PCDHA3: variants seen among roughly 807,000 people sequenced by gnomAD.
PCDHA3 encodes the protein protocadherin alpha-3.
In PCDHA3, 41 loss-of-function variants were observed where a neutral mutation model predicts 62.2. That is an observed-to-expected ratio of 0.66 (90% confidence interval 0.51 to 0.86). The LOEUF (loss-of-function observed/expected upper bound fraction) is 0.86. Ranked by LOEUF, PCDHA3 falls within the 40% of genes least tolerant of loss-of-function variation. The pLI is 0.00. For missense variants in PCDHA3, 1,304 were observed against 1,241.2 expected (o/e 1.05, Z -0.76); for synonymous variants, 640 against 555.4 (o/e 1.15, Z -2.14).
intron 1 of PCDHA3, among the ~76,000 whole-genome samples, chr5:140,897,340 C>A (rs1326802877): frequency 8.1e-6 from 1 of 122,842 alleles, no homozygotes; most frequent in African/African-American, 3.1e-5. Context: ...CCCCTCCCCC[C>A]ACCCCACAAC....
chr5:140,830,320 CG>C, intron 1 of PCDHA3: 1 of 1,613,990 alleles, frequency 6.2e-7, no homozygotes, highest in Non-Finnish European at 8.5e-7. Flanking sequence ...TGTGCTCCAG[CG>C]CAGTGGGGAG....
chr5:140,918,445 A>G (rs2078702084), intron 1 of PCDHA3, among the ~76,000 whole-genome samples: 1 of 152,144 alleles, frequency 6.6e-6, no homozygotes, highest in African/African-American at 2.4e-5. Context: ...GAGTGGTGAC[A>G]GTGGGCATCC....
intron 1 of PCDHA3, among the ~76,000 whole-genome samples, chr5:140,838,285 T>A (rs1262712034): frequency 2.0e-5 from 3 of 149,460 alleles, no homozygotes; most frequent in Admixed American, 6.6e-5. Flanking sequence ...TGCTAATTTT[T>A]TTTTTTTTTT....
At chr5:140,808,699 G>A in intron 1 of PCDHA3, 2 of 1,612,210 alleles carry the variant, frequency 1.2e-6, no homozygotes, top group Non-Finnish European at 8.5e-7. Context: ...AGCGCGCGCT[G>A]TCGAGCTACG....
chr5:140,938,761 G>A (rs1414324125), intron 1 of PCDHA3, among the ~76,000 whole-genome samples: 5 of 151,992 alleles, frequency 3.3e-5, no homozygotes, highest in Non-Finnish European at 7.4e-5. Flanking sequence ...CATAGTTATT[G>A]GGTACTAGAC....
intron 1 of PCDHA3, among the ~76,000 whole-genome samples, chr5:140,960,408 A>C (rs1006586468): frequency 6.6e-6 from 1 of 152,206 alleles, no homozygotes; most frequent in Admixed American, 6.5e-5. Flanking sequence ...GGGGGTGCCC[A>C]AAAAGTCAAC....
chr5:140,845,922 T>C (rs2150382652), intron 1 of PCDHA3, among the ~76,000 whole-genome samples: 7 of 149,894 alleles, frequency 4.7e-5, no homozygotes, highest in African/African-American at 7.3e-5. Flanking sequence ...CTTATTTTTG[T>C]GTAAAACTAT....
chr5:140,864,892 A>G (rs1240811455), intron 1 of PCDHA3: 4 of 152,184 alleles, frequency 2.6e-5, no homozygotes, highest in African/African-American at 4.8e-5. Flanking sequence ...ATTAAGCTGC[A>G]TGGTCTTCAG....
In PCDHA3 at chr5:140,929,213, A is replaced by T. The variant is rs199608631; in HGVS notation, c.2395-49736A>T. On this transcript the variant is annotated intron_variant, in intron 1 of 3. Coordinates refer to ENST00000522353, the MANE Select transcript of PCDHA3 (RefSeq NM_018906.3). ...AATAACAGTTTGCTGTTGCGTGGGG[A>T]GTACAATGCTGCCGACCTGCGAAAT... 3 of 1,614,052 alleles carry T rather than the reference A, an allele frequency of 1.9e-6. No homozygotes were observed. The East Asian group carries it at 6.7e-5, about 36-fold the overall frequency.
intron 1 of PCDHA3, among the ~76,000 whole-genome samples, chr5:140,896,506 A>G (rs1231827987): frequency 2.7e-5 from 4 of 150,856 alleles, no homozygotes; most frequent in African/African-American, 9.7e-5. Flanking sequence ...GGGACTGTGC[A>G]GGCACACACC....
intron 1 of PCDHA3, chr5:140,969,506 G>A (rs1262259666): frequency 2.9e-5 from 41 of 1,426,940 alleles, no homozygotes; most frequent in Non-Finnish European, 3.6e-5. Context: ...TAGAAAAATA[G>A]CACTAAAGAA....
intron 1 of PCDHA3, chr5:140,835,486 T>C: frequency 6.2e-7 from 1 of 1,613,894 alleles, no homozygotes. Flanking sequence ...CCAGGTACCG[T>C]CATCACATTG....
At chr5:140,934,690 T>G (rs1263392505) in intron 1 of PCDHA3, among the ~76,000 whole-genome samples, 1 of 152,198 alleles carries the variant, frequency 6.6e-6, no homozygotes, top group Non-Finnish European at 1.5e-5. Flanking sequence ...AAACAATGAA[T>G]TGATTCCTGG....
At chr5:140,843,592 G>C in intron 1 of PCDHA3, 1 of 1,596,002 alleles carries the variant, frequency 6.3e-7, no homozygotes, top group African/African-American at 1.3e-5. Context: ...AGCCGCAGAG[G>C]GTGTGCTCTG....
At chr5:140,904,303 G>A (rs1176685220) in intron 1 of PCDHA3, among the ~76,000 whole-genome samples, 3 of 151,902 alleles carry the variant, frequency 2.0e-5, no homozygotes, top group African/African-American at 7.3e-5. Flanking sequence ...CCATTCCTGA[G>A]TTTCTTCACT....
rs782171071 is a variant in PCDHA3 at position 140,802,999 on chromosome 5, C to T, written c.1802C>T (p.Ser601Leu). Residue 601 changes from serine (S) to leucine (L), a missense_variant, in exon 1 of 4, where the codon TCA becomes TTA. Transcript: ENST00000522353. ...AAGGTGCGCGCAGTGGATGCAGACT[C>T]AGGCTACAACGCGTGGCTTTCGTAT... ...VAKVRAVDAD[S>L]GYNAWLSYEL... 1.2e-6 allele frequency: 2 copies of T among 1,613,930 alleles called. No homozygotes were observed. Among genetic ancestry groups the T allele is most frequent in the Non-Finnish European group, 8.5e-7 (1 of 1,179,942 alleles).
chr5:140,845,510 C>A (rs1779902484), intron 1 of PCDHA3, among the ~76,000 whole-genome samples: 3 of 149,534 alleles, frequency 2.0e-5, no homozygotes, highest in African/African-American at 7.3e-5. Context: ...AAACCTATTT[C>A]TTGTACATTA....
At position 140,857,211 on chromosome 5, in the gene PCDHA3, T is replaced by C; in HGVS notation, c.2394+53620T>C. 5 of 1,598,632 alleles carry C rather than the reference T, an allele frequency of 3.1e-6. 1 individual carries two copies. Among genetic ancestry groups the C allele is most frequent in the Non-Finnish European group, 4.3e-6 (5 of 1,167,976 alleles). On this transcript the variant is annotated intron_variant, in intron 1 of 3. Coordinates refer to ENST00000522353, the MANE Select transcript of PCDHA3 (RefSeq NM_018906.3). ...GCCAACGGACAGGTCACCTGCTCTCTGACGCCTCACGTTCCGTTCAAGCTG... is the reference window on the plus strand; with the variant it reads ...GCCAACGGACAGGTCACCTGCTCTCCGACGCCTCACGTTCCGTTCAAGCTG...
In PCDHA3 at chr5:140,852,152, C is replaced by T. The variant is rs1163475400; in HGVS notation, c.2394+48561C>T. The T allele has an allele frequency of 5.8e-6, 5 of 861,034 alleles. 1 individual carries two copies. The highest frequency in any genetic ancestry group is 1.2e-3 in the Middle Eastern group (2 of 1,666). The allele number at this position is 861,034 out of a possible 1,614,324, so 53.3% of individuals were successfully genotyped here. ...CTCAGTAGAGAAAGATCAGAATGGC[C>T]TTGAGAATAGAGCCACAAAAATAAC... On this transcript the variant is annotated intron_variant, in intron 1 of 3. Transcript: ENST00000522353.
Sources: gnomAD v4.1 joint callset for allele counts (sites outside exome capture counted in the v4.1 genomes callset) on GRCh38, gnomAD v4.1.1 for gene constraint, MANE v1.5 for transcripts, NCBI Gene and HGNC (gene_info 2026-07-23, HGNC 2026-07-21) for gene names.